The following PCNX2 variants were observed in gnomAD, a reference collection of about 807,000 sequenced individuals.
PCNX2 encodes pecanex 2, also known as pecanex-like protein 2.
In PCNX2, 168 loss-of-function variants were observed where a neutral mutation model predicts 223.8. The ratio of observed to expected loss-of-function variants is 0.75; its 90% CI spans 0.66 to 0.85. PCNX2 has a LOEUF of 0.85. PCNX2 is among the 40% of genes least tolerant of loss of function. The pLI, the probability that PCNX2 is intolerant of heterozygous loss-of-function variation, is 0.00. For synonymous variants in PCNX2, 1,006 were observed against 1,052.6 expected (o/e 0.96, Z 0.86); for missense variants, 2,507 against 2,675.5 (o/e 0.94, Z 1.39).
chr1:233,218,318 A>G (rs1435132134), intron 10 of PCNX2, 134 bp from the exon 11 acceptor site: 19 of 748,124 alleles, frequency 2.5e-5, no homozygotes, highest in Non-Finnish European at 3.4e-5. Context: ...GCATGATCTC[A>G]GCTCACTGCA....
At position 233,200,238 on chromosome 1, in the gene PCNX2, A is replaced by G; in HGVS notation, c.2890T>C (p.Ser964Pro). 1 of 1,586,104 alleles carries G rather than the reference A, an allele frequency of 6.3e-7. No homozygotes were observed. Among genetic ancestry groups the G allele is most frequent in the Non-Finnish European group, 8.6e-7 (1 of 1,165,324 alleles). Reference protein sequence around the residue: ...IVFLYCFPAISLLGLFPQINT... With the variant: ...IVFLYCFPAIPLLGLFPQINT... ...ATTTGCGGGAAGAGCCCAAGGAGGG[A>G]AATAGCAGGGAAGCAATATAAAAAT... Residue 964 changes from serine (S) to proline (P), a missense_variant, in exon 14 of 34, where the codon TCC (serine) becomes CCC (proline). Ser to Pro is a moderately conservative substitution (Grantham distance 74). Coordinates refer to ENST00000258229, the MANE Select transcript of PCNX2 (RefSeq NM_014801.4).
Position 233,217,931 on chromosome 1 carries a change from T to G in PCNX2, c.2659A>C (p.Ser887Arg), listed in dbSNP as rs1196353987. 3 of 1,613,854 alleles carry G rather than the reference T, an allele frequency of 1.9e-6. No homozygotes were observed. The East Asian group carries it at 6.7e-5, about 36-fold the overall frequency. The part of the protein sequence containing the change: ...MASCQYSLLK[S>R]VQPDPASPIH... ...GGTGAGGCGGGGTCAGGCTGAACAC[T>G]CTAAAACACAAATCAGAAGTGTCTG... is the stretch of plus-strand genomic sequence containing the variant. Residue 887 changes from serine to arginine, a missense_variant and splice_region_variant, in exon 12 of 34, where the codon AGT becomes CGT. Ser to Arg is a moderately radical substitution (Grantham distance 110). Coordinates refer to ENST00000258229, the MANE Select transcript of PCNX2 (RefSeq NM_014801.4).
At chr1:233,057,545 T>C (rs996315856) in intron 23 of PCNX2, 1 of 391,786 alleles carries the variant, frequency 2.6e-6, no homozygotes, top group East Asian at 4.4e-5. Context: ...TGTGTCTTAA[T>C]CAATTTGGAG....
At chr1:233,113,505 A>G (rs530878767) in intron 21 of PCNX2, among the ~76,000 whole-genome samples, 16 of 152,318 alleles carry the variant, frequency 1.1e-4, no homozygotes, top group Middle Eastern at 3.4e-3. Context: ...TTTCTCAAAA[A>G]AACAGTTTTC....
intron 12 of PCNX2, among the ~76,000 whole-genome samples, chr1:233,215,559 T>C (rs1682073686): frequency 6.6e-6 from 1 of 152,230 alleles, no homozygotes; most frequent in Non-Finnish European, 1.5e-5. Flanking sequence ...ATTATGCAGC[T>C]GTACTTGCCA....
chr1:233,032,055 G>A (rs1473330003), intron 25 of PCNX2: 1 of 977,132 alleles, frequency 1.0e-6, no homozygotes, highest in Non-Finnish European at 1.2e-6. Flanking sequence ...AATTTAGGAA[G>A]AAATTCTCTT....
At chr1:233,303,018 T>A in the PCNX2 span, among the ~76,000 whole-genome samples, 4 of 152,110 alleles carry the variant, frequency 2.6e-5, no homozygotes, top group Non-Finnish European at 4.4e-5. Flanking sequence ...TGCTAATCAT[T>A]TGCTCAAATA....
chr1:233,106,347 CTTTTTTTTTTT>C (rs912803573), intron 21 of PCNX2, among the ~76,000 whole-genome samples: 3 of 115,686 alleles, frequency 2.6e-5, no homozygotes, highest in Admixed American at 1.9e-4. Flanking sequence ...TCTCCTCCCT[CTTTTTTTTTTT>C]TTTTTTTTTT....
At chr1:233,133,136 C>T (rs1436598695) in intron 21 of PCNX2, among the ~76,000 whole-genome samples, 1 of 151,978 alleles carries the variant, frequency 6.6e-6, no homozygotes, top group Non-Finnish European at 1.5e-5. Flanking sequence ...TGATCTCAAG[C>T]AATCTGCCCA....
intron 1 of PCNX2, among the ~76,000 whole-genome samples, chr1:233,269,839 G>T (rs1246005620): frequency 6.6e-6 from 1 of 152,106 alleles, no homozygotes; most frequent in East Asian, 1.9e-4. Context: ...GCTTAGTCTG[G>T]TTATTTATGC....
chr1:233,111,957 T>C (rs1033353961), intron 21 of PCNX2, among the ~76,000 whole-genome samples: 2 of 152,234 alleles, frequency 1.3e-5, no homozygotes, highest in Non-Finnish European at 2.9e-5. Context: ...TACTTCATGA[T>C]TCTCATTTAC....
At chr1:233,041,487 G>A (rs538157803) in intron 25 of PCNX2, among the ~76,000 whole-genome samples, 3 of 152,152 alleles carry the variant, frequency 2.0e-5, no homozygotes, top group African/African-American at 4.8e-5. Context: ...CAACCCTCTC[G>A]GCCATTTATA....
At chr1:233,233,424 CTGTGTGTGTGTGTGTG>C (rs57458756) in intron 9 of PCNX2, among the ~76,000 whole-genome samples, 105 of 140,340 alleles carry the variant, frequency 7.5e-4, no homozygotes, top group South Asian at 9.5e-4. Context: ...TCCTCTTCTC[CTGTGTGTGTGTGTGTG>C]TGTGTGTGTG....
At chr1:233,318,007 C>T in the PCNX2 span, among the ~76,000 whole-genome samples, 2 of 152,156 alleles carry the variant, frequency 1.3e-5, no homozygotes, top group Non-Finnish European at 2.9e-5. Flanking sequence ...ATTATACCAC[C>T]CAGGTAAAAC....
At chr1:233,064,913 G>T (rs1031417617) in intron 23 of PCNX2, among the ~76,000 whole-genome samples, 1 of 152,012 alleles carries the variant, frequency 6.6e-6, no homozygotes, top group African/African-American at 2.4e-5. Context: ...CTCCACTGTT[G>T]CTGTGTAGAA....
intron 10 of PCNX2, among the ~76,000 whole-genome samples, chr1:233,219,025 T>G (rs1657205422): frequency 6.6e-6 from 1 of 152,084 alleles, no homozygotes; most frequent in Non-Finnish European, 1.5e-5. Flanking sequence ...GGACCTGCCC[T>G]GGGGTGTGTC....
chr1:233,194,345 G>C (rs906521386), intron 15 of PCNX2, among the ~76,000 whole-genome samples: 1 of 112 alleles, frequency 8.9e-3, no homozygotes, highest in South Asian at 0.25. Context: ...TCAGACAAAG[G>C]CTGAAAGTTT....
chr1:233,240,957 A>G (rs2102970350), intron 8 of PCNX2, among the ~76,000 whole-genome samples: 1 of 152,324 alleles, frequency 6.6e-6, no homozygotes, highest in South Asian at 2.1e-4. Context: ...TAAAGACGAT[A>G]GCCTATCACT....
chr1:233,223,826 G>A (rs1657538251), intron 10 of PCNX2, among the ~76,000 whole-genome samples: 1 of 152,164 alleles, frequency 6.6e-6, no homozygotes, highest in Admixed American at 6.5e-5. Flanking sequence ...AATTAGTTTA[G>A]TTTGAGAAGC....
Sources: gnomAD v4.1 joint callset for allele counts (sites outside exome capture counted in the v4.1 genomes callset) on GRCh38, gnomAD v4.1.1 for gene constraint, MANE v1.5 for transcripts, NCBI Gene and HGNC (gene_info 2026-07-23, HGNC 2026-07-21) for gene names.